Variants in ERC2 observed in about 807,000 individuals in gnomAD.
The protein encoded by ERC2 is ERC protein 2.
Under a neutral mutation model 114.8 loss-of-function variants are expected in ERC2, and 42 were observed. That is an observed-to-expected ratio of 0.37 (90% CI 0.29 to 0.47). The LOEUF is 0.47. ERC2 is among the 20% of genes least tolerant of loss of function. The probability of loss-of-function intolerance (pLI) is 0.99; values close to 1 mark genes in which losing one functional copy is unlikely to be tolerated. For synonymous variants in ERC2, 454 were observed against 425.5 expected (o/e 1.07, Z -0.82); for missense variants, 939 against 1,150.7 (o/e 0.82, Z 2.66).
intron 17 of ERC2, among the ~76,000 whole-genome samples, chr3:55,519,816 T>C (rs755966742): frequency 1.3e-5 from 2 of 152,068 alleles, no homozygotes; most frequent in Non-Finnish European, 2.9e-5. Context: ...GTGGATTGCT[T>C]GCCCAGGAGT....
intron 2 of ERC2, among the ~76,000 whole-genome samples, chr3:56,319,260 C>T (rs1044486736): frequency 5.4e-5 from 8 of 149,474 alleles, no homozygotes; most frequent in East Asian, 2.0e-4. Flanking sequence ...AATGGATGAA[C>T]GGATAAAGAA....
At chr3:56,068,189 G>A (rs2076569353) in intron 7 of ERC2, among the ~76,000 whole-genome samples, 1 of 152,076 alleles carries the variant, frequency 6.6e-6, no homozygotes, top group Admixed American at 6.6e-5. Context: ...TGGTTGGCGG[G>A]CTATTTATTA....
intron 2 of ERC2, among the ~76,000 whole-genome samples, chr3:56,374,120 T>C (rs1373160497): frequency 6.6e-6 from 1 of 151,912 alleles, no homozygotes; most frequent in Non-Finnish European, 1.5e-5. Context: ...TTTTTGAGAC[T>C]GAGTCTCGCT....
chr3:56,462,193 T>C (rs960929734), intron 1 of ERC2, among the ~76,000 whole-genome samples: 1 of 152,162 alleles, frequency 6.6e-6, no homozygotes, highest in South Asian at 2.1e-4. Flanking sequence ...GTGATTCATA[T>C]CTCATTAGCA....
At chr3:56,467,985 G>T (rs897948812) in intron 1 of ERC2, among the ~76,000 whole-genome samples, 8 of 152,060 alleles carry the variant, frequency 5.3e-5, no homozygotes, top group Non-Finnish European at 8.8e-5. Context: ...GCTAGCGAGC[G>T]GCGCCCGCGC....
chr3:56,012,921 A>G (rs2073054173), intron 8 of ERC2, among the ~76,000 whole-genome samples: 2 of 152,194 alleles, frequency 1.3e-5, no homozygotes, highest in African/African-American at 2.4e-5. Context: ...TTCCTTGTGC[A>G]CTCATCTGGC....
At chr3:55,867,168 T>C (rs1258159025) in intron 14 of ERC2, among the ~76,000 whole-genome samples, 1 of 151,856 alleles carries the variant, frequency 6.6e-6, no homozygotes, top group Non-Finnish European at 1.5e-5. Context: ...TTCCTTTCCT[T>C]CCTTCCCACC....
chr3:56,215,319 CA>C (rs550164519), intron 3 of ERC2, among the ~76,000 whole-genome samples: 1 of 151,528 alleles, frequency 6.6e-6, no homozygotes, highest in Non-Finnish European at 1.5e-5. Flanking sequence ...AAATGGAAAG[CA>C]AAAAAAGGCA....
intron 10 of ERC2, 100 bp downstream of exon 10, chr3:56,007,081 C>A (rs991126082): frequency 3.9e-6 from 4 of 1,033,580 alleles, no homozygotes; most frequent in Non-Finnish European, 5.5e-6. Flanking sequence ...CAGACAGCAA[C>A]AGATAAGGGG....
intron 17 of ERC2, among the ~76,000 whole-genome samples, chr3:55,622,324 G>A (rs1160887779): frequency 1.3e-5 from 2 of 152,174 alleles, no homozygotes; most frequent in Non-Finnish European, 2.9e-5. Flanking sequence ...CACCACCTCA[G>A]CAGCCAGTGG....
rs527331394 is a variant in ERC2, at chr3:56,259,655, A to C, written c.1074+36364T>G. Among the ~76,000 whole-genome samples, 9 of 141,510 alleles carry C rather than the reference A, an allele frequency of 6.4e-5. No homozygotes were observed. The South Asian group carries it at 1.7e-3, about 27-fold the overall frequency. 92.8% of individuals were successfully genotyped at this position (141,510 alleles called of 152,430 possible). A position where few individuals can be genotyped will look rare whatever the true frequency, so the allele number is the denominator to read the frequency against. On this transcript the variant is annotated intron_variant, in intron 3 of 17. Coordinates refer to ENST00000288221, the MANE Select transcript of ERC2 (RefSeq NM_015576.3). ...GTAATTCTGGTACAGATTTGATATG[A>C]TATGATATGATATGATATGATATGA...
At chr3:56,015,763 G>A (rs1240432276) in intron 8 of ERC2, among the ~76,000 whole-genome samples, 1 of 152,138 alleles carries the variant, frequency 6.6e-6, no homozygotes, top group Non-Finnish European at 1.5e-5. Context: ...TGTTGTTCTA[G>A]GTCTTTGAGG....
At chr3:56,206,204 C>CACAT (rs2048723771) in intron 3 of ERC2, among the ~76,000 whole-genome samples, 1 of 40,030 alleles carries the variant, frequency 2.5e-5, no homozygotes, top group African/African-American at 8.0e-5. Context: ...CACACACATA[C>CACAT]ACACACACAC....
intron 1 of ERC2, among the ~76,000 whole-genome samples, chr3:56,464,909 G>A (rs2063475128): frequency 6.6e-6 from 1 of 151,974 alleles, no homozygotes; most frequent in Non-Finnish European, 1.5e-5. Flanking sequence ...GCTAGAGGGT[G>A]TCCTAGTAAA....
Position 55,653,034 on chromosome 3 carries a change from T to C in ERC2, c.*39+30760A>G, listed in dbSNP as rs186743558. Among the ~76,000 whole-genome samples, 181 of 152,186 alleles carry C rather than the reference T, an allele frequency of 1.2e-3. 1 individual carries two copies. Among genetic ancestry groups the C allele is most frequent in the Middle Eastern group, 6.8e-3 (2 of 294 alleles). On this transcript the variant is annotated intron_variant, in intron 17 of 17. Transcript: ENST00000288221. ...CCATCTATATAGTATCTTTCAGAAG[T>C]CTCACACTCATCTACCAAGTTGGGC...
At chr3:56,399,869 A>AC (rs2106938738) in intron 2 of ERC2, among the ~76,000 whole-genome samples, 1 of 152,346 alleles carries the variant, frequency 6.6e-6, no homozygotes, top group Non-Finnish European at 1.5e-5. Context: ...GCAGGGATGC[A>AC]ATCAACAAAA....
At chr3:55,964,065 T>C (rs2068575971) in intron 12 of ERC2, among the ~76,000 whole-genome samples, 1 of 152,238 alleles carries the variant, frequency 6.6e-6, no homozygotes. Flanking sequence ...TTTATATTAT[T>C]TGCTATCAGA....
intron 7 of ERC2, among the ~76,000 whole-genome samples, chr3:56,026,323 T>C (rs1484703075): frequency 2.6e-5 from 4 of 152,220 alleles, no homozygotes; most frequent in African/African-American, 9.6e-5. Context: ...GTGCTGGGAT[T>C]AGAGGCATGG....
At chr3:56,032,983 GAAAGAAAGAAAGAAAGAA>G in intron 7 of ERC2, among the ~76,000 whole-genome samples, 2 of 81,182 alleles carry the variant, frequency 2.5e-5, no homozygotes, top group Non-Finnish European at 5.5e-5. Flanking sequence ...GAAAGAGAAA[GAAAGAAAGAAAGAAAGAA>G]AGAAAGAAAG....
Sources: allele counts gnomAD v4.1 joint callset (sites outside exome capture counted in the v4.1 genomes callset), GRCh38; gene constraint gnomAD v4.1.1; transcripts MANE v1.5; gene names NCBI Gene and HGNC (gene_info 2026-07-23, HGNC 2026-07-21).